Variants in NPAT observed in about 807,000 individuals in gnomAD.
NPAT encodes the protein protein NPAT.
NPAT carries 52 observed loss-of-function variants against 130.7 expected under a neutral mutation model. That is an observed-to-expected ratio of 0.40 (90% confidence interval 0.32 to 0.50). The LOEUF is 0.50. Among genes scored for constraint, NPAT ranks in the 20% least tolerant of loss-of-function variants. The pLI, the probability that NPAT is intolerant of heterozygous loss-of-function variation, is 0.68. For synonymous variants in NPAT, 580 were observed against 584.8 expected, an observed-to-expected ratio of 0.99 and a Z score of 0.12; for missense variants, 1,687 against 1,662.6, an observed-to-expected ratio of 1.01 and a Z score of -0.26.
rs2134818934 is a variant in NPAT, at chr11:108,161,555, T to C, written c.3531A>G (p.Arg1177=). 6.2e-7 allele frequency: 1 copy of C among 1,614,214 alleles called. No homozygotes were observed. Among genetic ancestry groups the C allele is most frequent in the Non-Finnish European group, 8.5e-7 (1 of 1,180,040 alleles). Residue 1177 remains arginine (R), a synonymous_variant, in exon 17 of 18, where the codon AGA becomes AGG. Transcript: ENST00000278612. The part of the protein sequence containing the change: ...KENELCSDVE[R]QKNPENSKLS... ...GTTTTGAATTTTCTGGATTTTTCTG[T>C]CTTTCTACATCGCTGCATAATTCAT...
rs534297774 is a variant in NPAT, at chr11:108,178,876, C to G, written c.907-1786G>C. ...TGAGACTATCTCAAAAAAACAAAAA[C>G]AAAATTCCTATGGAATCTCAGAGAA... On this transcript the variant is annotated intron_variant, in intron 10 of 17. Transcript: ENST00000278612. Among the ~76,000 whole-genome samples the G allele has an allele frequency of 6.6e-5, 10 of 152,116 alleles. No homozygotes were observed. The South Asian group carries it at 1.9e-3, about 28-fold the overall frequency.
At chr11:108,169,622 A>T in intron 15 of NPAT, 122 bp downstream of exon 15, 2 of 767,896 alleles carry the variant, frequency 2.6e-6, no homozygotes, top group Non-Finnish European at 4.6e-6. Context: ...GTTACTAGCA[A>T]ATGTAGGGTG....
Position 108,173,790 on chromosome 11 carries a change from A to G in NPAT, c.1194T>C (p.Ala398=), listed in dbSNP as rs2077979188. 6.2e-7 allele frequency: 1 copy of G among 1,614,182 alleles called. No homozygotes were observed. Among genetic ancestry groups the G allele is most frequent in the South Asian group, 1.1e-5 (1 of 91,082 alleles). ...TSYQNDDPLN[A]LKNSNNHDVL... ...CATCATGGTTGTTGCTATTCTTCAA[A>G]GCATTTAATGGGTCATCATTCTGAT... Residue 398 remains alanine, a synonymous_variant, in exon 13 of 18, where the codon GCT becomes GCC. Coordinates refer to ENST00000278612, the MANE Select transcript of NPAT (RefSeq NM_002519.3).
intron 1 of NPAT, among the ~76,000 whole-genome samples, chr11:108,212,284 G>A (rs532970584): frequency 3.1e-4 from 47 of 152,266 alleles, no homozygotes; most frequent in Non-Finnish European, 5.9e-4. Context: ...CAGCACTTTG[G>A]GAGGCCGAGC....
intron 4 of NPAT, among the ~76,000 whole-genome samples, chr11:108,191,769 C>G (rs1025429468): frequency 3.3e-5 from 5 of 152,102 alleles, no homozygotes; most frequent in African/African-American, 9.7e-5. Context: ...ATGGGTTCAA[C>G]GCATCAATTC....
chr11:108,191,969 T>TCAGTAACCTCCACAGTAC (rs2078174052), intron 4 of NPAT, 149 bp downstream of exon 4: 2 of 661,162 alleles, frequency 3.0e-6, no homozygotes, highest in Non-Finnish European at 5.5e-6. Context: ...ATTATGTCAG[T>TCAGTAACCTCCACAGTAC]CAGTAACCTC....
At chr11:108,178,439 T>C (rs563913867) in intron 10 of NPAT, among the ~76,000 whole-genome samples, 1 of 152,298 alleles carries the variant, frequency 6.6e-6, no homozygotes, top group South Asian at 2.1e-4. Flanking sequence ...TGTGTGTGTG[T>C]TCATGAATTT....
At position 108,172,757 on chromosome 11, in the gene NPAT, T is replaced by C. The variant is rs2077965277; in HGVS notation, c.2227A>G (p.Ile743Val). 3 of 1,613,630 alleles carry C rather than the reference T, an allele frequency of 1.9e-6. No homozygotes were observed. Among genetic ancestry groups the C allele is most frequent in the Admixed American group, 1.7e-5 (1 of 60,026 alleles). The stretch of plus-strand genomic sequence containing the variant: ...GAAACAAATGGATCATCACTAATGA[T>C]AACTTTGAGAGAGACGATATTTGAT... ...DASNIVSLKVIISDDPFVSSD... is the reference protein window; with the variant it reads ...DASNIVSLKVVISDDPFVSSD... Residue 743 changes from isoleucine (I) to valine (V), a missense_variant, in exon 13 of 18, where the codon ATC (isoleucine) becomes GTC (valine). Physicochemically the swap from Ile to Val is conservative, Grantham distance 29 (BLOSUM62 3). This residue lies in a region of NPAT where 1,379 missense variants were observed against 1,346.6 expected (regional missense o/e 1.02). Coordinates refer to ENST00000278612, the MANE Select transcript of NPAT (RefSeq NM_002519.3).
intron 1 of NPAT, among the ~76,000 whole-genome samples, chr11:108,214,482 T>C (rs2078414056): frequency 6.6e-6 from 1 of 152,140 alleles, no homozygotes; most frequent in Admixed American, 6.6e-5. Flanking sequence ...GTATAAGGAT[T>C]CTCTTTGGAG....
Position 108,222,560 on chromosome 11 carries a change from C to A in NPAT, c.-24G>T. ...ATGATCAAAACCACAGCAGGAACCA[C>A]AATAAGGAACAAGACTCAGGTTAAA... On this transcript the variant is annotated 5_prime_UTR_variant, in exon 1 of 18. Coordinates refer to ENST00000278612, the MANE Select transcript of NPAT (RefSeq NM_002519.3). 6.2e-7 allele frequency: 1 copy of A among 1,613,480 alleles called. No individual in the cohort carries two copies. Among genetic ancestry groups the A allele is most frequent in the African/African-American group, 1.3e-5 (1 of 75,052 alleles).
chr11:108,211,474 T>C (rs2078383134), intron 1 of NPAT, among the ~76,000 whole-genome samples: 1 of 149,262 alleles, frequency 6.7e-6, no homozygotes, highest in South Asian at 2.1e-4. Context: ...GCCTGGGAAG[T>C]CAAGGCTGCA....
intron 1 of NPAT, among the ~76,000 whole-genome samples, chr11:108,202,373 C>T (rs548498736): frequency 6.6e-6 from 1 of 152,224 alleles, no homozygotes; most frequent in East Asian, 1.9e-4. Flanking sequence ...GATTTCTGAT[C>T]CACTTGAGGC....
At chr11:108,222,420 AG>A (rs2078532170) in intron 1 of NPAT, 79 bp downstream of exon 1, 2 of 1,475,504 alleles carry the variant, frequency 1.4e-6, no homozygotes, top group Admixed American at 1.8e-5. Flanking sequence ...TTCCCTACCA[AG>A]GGAAAACCTT....
rs2077819917 is a variant in NPAT, at chr11:108,158,871, A to AT, written c.*70dup. On this transcript the variant is annotated 3_prime_UTR_variant, in exon 18 of 18. Coordinates refer to ENST00000278612, the MANE Select transcript of NPAT (RefSeq NM_002519.3). Reference sequence around the variant, plus strand: ...GGTCATGCTTTCAGATTCTGTCAATATCCCATTCCCTACACTCAGTTTAAG... The same window carrying AT: ...GGTCATGCTTTCAGATTCTGTCAATATTCCCATTCCCTACACTCAGTTTAAG... The AT allele has an allele frequency of 1.1e-6, 1 of 877,382 alleles. No individual in the cohort carries two copies. Among genetic ancestry groups the AT allele is most frequent in the African/African-American group, 1.6e-5 (1 of 60,878 alleles). The allele number at this position is 877,382 out of a possible 1,614,324, so 54.3% of individuals were successfully genotyped here.
chr11:108,160,534 T>C (rs1482282475), intron 17 of NPAT, among the ~76,000 whole-genome samples: 1 of 151,308 alleles, frequency 6.6e-6, no homozygotes, highest in African/African-American at 2.4e-5. Flanking sequence ...ATGAAAAAAC[T>C]TGAGTTCTAC....
At chr11:108,162,783 A>ATGTACTACTTACAATATGTAAG (rs1343591495) in intron 15 of NPAT, among the ~76,000 whole-genome samples, 2 of 152,188 alleles carry the variant, frequency 1.3e-5, no homozygotes, top group African/African-American at 4.8e-5. Flanking sequence ...AATGCTCAAT[A>ATGTACTACTTACAATATGTAAG]TAGCACATAA....
intron 10 of NPAT, among the ~76,000 whole-genome samples, chr11:108,184,200 C>G (rs1212312561): frequency 6.6e-6 from 1 of 151,946 alleles, no homozygotes; most frequent in Non-Finnish European, 1.5e-5. Flanking sequence ...TGGCCGGGCA[C>G]GGTGGCTCAC....
intron 1 of NPAT, among the ~76,000 whole-genome samples, chr11:108,207,684 C>T (rs115795704): frequency 1.3e-5 from 2 of 152,240 alleles, no homozygotes; most frequent in South Asian, 4.1e-4. Context: ...AGAGGCCAGG[C>T]AGCGGGAGTA....
chr11:108,198,970 C>T (rs1054850275), intron 1 of NPAT, among the ~76,000 whole-genome samples: 9 of 152,208 alleles, frequency 5.9e-5, no homozygotes, highest in African/African-American at 1.7e-4. Flanking sequence ...TTCAGCCCTC[C>T]GCTGGCACTG....
Sources: allele counts gnomAD v4.1 joint callset (sites outside exome capture counted in the v4.1 genomes callset), GRCh38; gene constraint gnomAD v4.1.1; regional missense constraint gnomAD v4.1.1; transcripts MANE v1.5; gene names NCBI Gene and HGNC (gene_info 2026-07-23, HGNC 2026-07-21).